The following VTI1A variants were observed in gnomAD, a reference collection of about 807,000 sequenced individuals.
VTI1A encodes vesicle transport through interaction with t-SNAREs homolog 1A.
Under a neutral mutation model 34.9 loss-of-function variants are expected in VTI1A, and 22 were observed. The ratio of observed to expected loss-of-function variants is 0.63; its 90% CI spans 0.45 to 0.90. VTI1A has a LOEUF of 0.90. Ranked by LOEUF, VTI1A falls within the 40% of genes least tolerant of loss-of-function variation. The pLI, the probability that VTI1A is intolerant of heterozygous loss-of-function variation, is 0.00. For missense variants in VTI1A, 268 were observed against 275.6 expected (o/e 0.97, Z 0.20); for synonymous variants, 87 against 97.3 (o/e 0.89, Z 0.62).
At chr10:112,702,681 G>A (rs1339118294) in intron 7 of VTI1A, among the ~76,000 whole-genome samples, 1 of 152,202 alleles carries the variant, frequency 6.6e-6, no homozygotes, top group Non-Finnish European at 1.5e-5. Context: ...CTGCCTATGG[G>A]TTCAAGCAAT....
chr10:112,581,620 T>G (rs777726832), intron 5 of VTI1A, among the ~76,000 whole-genome samples: 1 of 152,158 alleles, frequency 6.6e-6, no homozygotes, highest in Non-Finnish European at 1.5e-5. Context: ...TGATGATGAT[T>G]GATTATGATG....
intron 7 of VTI1A, among the ~76,000 whole-genome samples, chr10:112,805,159 G>A (rs931951424): frequency 6.6e-6 from 1 of 152,066 alleles, no homozygotes; most frequent in East Asian, 1.9e-4. Flanking sequence ...GAGCCACTGT[G>A]CCCAGCCAGT....
chr10:112,789,545 A>G (rs545469375), intron 7 of VTI1A, among the ~76,000 whole-genome samples: 4 of 152,198 alleles, frequency 2.6e-5, no homozygotes, highest in African/African-American at 7.2e-5. Context: ...TTGGATTCCC[A>G]TTACACATAT....
intron 7 of VTI1A, among the ~76,000 whole-genome samples, chr10:112,679,826 G>C (rs781161874): frequency 6.6e-6 from 1 of 151,694 alleles, no homozygotes; most frequent in Non-Finnish European, 1.5e-5. Context: ...GTCCGAATCA[G>C]GTCCCCCAAT....
intron 5 of VTI1A, among the ~76,000 whole-genome samples, chr10:112,635,626 A>G (rs1161971173): frequency 6.6e-6 from 1 of 152,218 alleles, no homozygotes; most frequent in East Asian, 1.9e-4. Flanking sequence ...ACCAGTTAAG[A>G]GGCTTTTGCA....
At chr10:112,605,813 C>T (rs1449228509) in intron 5 of VTI1A, among the ~76,000 whole-genome samples, 1 of 152,154 alleles carries the variant, frequency 6.6e-6, no homozygotes, top group Non-Finnish European at 1.5e-5. Context: ...TGGGAATTGG[C>T]ACACACCCTG....
chr10:112,704,993 A>C (rs1047690266), intron 7 of VTI1A, among the ~76,000 whole-genome samples: 1 of 151,958 alleles, frequency 6.6e-6, no homozygotes, highest in Non-Finnish European at 1.5e-5. Flanking sequence ...GGCTCAAACA[A>C]TCCTCCTGCC....
intron 1 of VTI1A, among the ~76,000 whole-genome samples, chr10:112,459,225 A>G (rs1198675263): frequency 6.6e-6 from 1 of 152,230 alleles, no homozygotes; most frequent in African/African-American, 2.4e-5. Context: ...CAAGCCAGGA[A>G]CTAACTATAT....
intron 7 of VTI1A, among the ~76,000 whole-genome samples, chr10:112,747,205 ACT>A (rs932975373): frequency 2.6e-5 from 4 of 152,036 alleles, no homozygotes; most frequent in Non-Finnish European, 5.9e-5. Context: ...GCCTTAAGAC[ACT>A]CTCTGAATGT....
At chr10:112,599,488 A>G (rs1255623914) in intron 5 of VTI1A, among the ~76,000 whole-genome samples, 2 of 152,214 alleles carry the variant, frequency 1.3e-5, no homozygotes, top group Non-Finnish European at 2.9e-5. Context: ...TGGATGCCAA[A>G]CGACTGGACC....
intron 3 of VTI1A, among the ~76,000 whole-genome samples, chr10:112,481,038 T>C (rs1215662867): frequency 2.6e-5 from 4 of 152,204 alleles, no homozygotes; most frequent in Admixed American, 2.6e-4. Flanking sequence ...TTAGACGCTA[T>C]TGAAAGGTTA....
chr10:112,506,882 T>C (rs1849449754), intron 3 of VTI1A, among the ~76,000 whole-genome samples: 1 of 152,100 alleles, frequency 6.6e-6, no homozygotes, highest in African/African-American at 2.4e-5. Context: ...CACTGGATAT[T>C]GAATTTTAGT....
rs113399800 is a variant in VTI1A at position 112,507,432 on chromosome 10, G to A, written c.265-19655G>A. ...CAAATGTAGTTGCCTTACACCCTTT[G>A]AAGATTCTGAATGCGTCAGAATATT... On this transcript the variant is annotated intron_variant, in intron 3 of 7. Transcript: ENST00000393077. 5.8e-3 allele frequency among the ~76,000 whole-genome samples: 888 copies of A among 152,242 alleles called. 4 individuals are homozygous for A. Among genetic ancestry groups the A allele is most frequent in the Non-Finnish European group, 9.3e-3 (634 of 68,010 alleles).
rs1853426886 is a variant in VTI1A, at chr10:112,814,194, G to A, written c.561-1096G>A. 2.0e-5 allele frequency among the ~76,000 whole-genome samples: 3 copies of A among 152,200 alleles called. No individual in the cohort carries two copies. In the South Asian group the frequency reaches 6.2e-4, roughly 31 times the overall value. On this transcript the variant is annotated intron_variant, in intron 7 of 7. Coordinates refer to ENST00000393077, the MANE Select transcript of VTI1A (RefSeq NM_145206.4). ...GGGTCTCTGTTCCGTGGGGAGCCCA[G>A]CTTCATCTCCCCAGCTCCTCCCCAT...
In VTI1A at chr10:112,776,029, C is replaced by A. The variant is rs145718415; in HGVS notation, c.561-39261C>A. 4.3e-4 allele frequency among the ~76,000 whole-genome samples: 65 copies of A among 152,338 alleles called. 3 individuals are homozygous for A. In the East Asian group the frequency reaches 0.012, roughly 29 times the overall value. On this transcript the variant is annotated intron_variant, in intron 7 of 7. Transcript: ENST00000393077. The stretch of plus-strand genomic sequence containing the variant: ...AGATTTTCTTGCCGTTTCTGGCAAA[C>A]CTCCAGTGAGAGCCTGGGATTTATT...
At chr10:112,763,452 A>AAG (rs1178558392) in intron 7 of VTI1A, among the ~76,000 whole-genome samples, 1 of 151,808 alleles carries the variant, frequency 6.6e-6, no homozygotes, top group African/African-American at 2.4e-5. Flanking sequence ...AAAAAAAAAA[A>AAG]AAGGTACCAC....
intron 7 of VTI1A, among the ~76,000 whole-genome samples, chr10:112,723,851 C>T (rs796834078): frequency 1.2e-4 from 19 of 152,286 alleles, no homozygotes; most frequent in African/African-American, 4.6e-4. Flanking sequence ...CTCTGGGATT[C>T]AGGGCAAGAG....
chr10:112,635,064 G>A (rs1209117222), intron 5 of VTI1A, among the ~76,000 whole-genome samples: 1 of 152,154 alleles, frequency 6.6e-6, no homozygotes, highest in Non-Finnish European at 1.5e-5. Context: ...TCACTGCCTT[G>A]TTGTTGCCTG....
At chr10:112,601,057 A>G (rs1844856617) in intron 5 of VTI1A, among the ~76,000 whole-genome samples, 1 of 152,180 alleles carries the variant, frequency 6.6e-6, no homozygotes, top group Non-Finnish European at 1.5e-5. Flanking sequence ...TTGCAAGGAT[A>G]GTTTTATGGG....
Sources: allele counts gnomAD v4.1 joint callset (sites outside exome capture counted in the v4.1 genomes callset), GRCh38; gene constraint gnomAD v4.1.1; transcripts MANE v1.5; gene names NCBI Gene and HGNC (gene_info 2026-07-23, HGNC 2026-07-21).